The following SLC25A29 variants were observed in gnomAD, a reference collection of about 807,000 sequenced individuals.
SLC25A29 encodes the protein mitochondrial basic amino acids transporter.
Under a neutral mutation model 10.0 loss-of-function variants are expected in SLC25A29, and 13 were observed. That is an observed-to-expected ratio of 1.30 (90% CI 0.85 to 2.07). The LOEUF (loss-of-function observed/expected upper bound fraction) is 2.07. Ranked by LOEUF, SLC25A29 falls within the 30% of genes most tolerant of loss-of-function variation. The probability of loss-of-function intolerance (pLI) is 0.00; values close to 1 mark genes in which losing one functional copy is unlikely to be tolerated. For missense variants in SLC25A29, 475 were observed against 447.6 expected (o/e 1.06, Z -0.55); for synonymous variants, 244 against 221.1 (o/e 1.10, Z -0.92).
chr14:100,283,005 A>T, the SLC25A29 span, among the ~76,000 whole-genome samples: 1 of 152,206 alleles, frequency 6.6e-6, no homozygotes, highest in African/African-American at 2.4e-5. Flanking sequence ...TTCAGCTCCA[A>T]GGTGGGCTCA....
At chr14:100,289,241 G>A (rs1217237509), downstream of SLC25A29, among the ~76,000 whole-genome samples, 2 of 152,218 alleles carry the variant, frequency 1.3e-5, no homozygotes, top group Non-Finnish European at 2.9e-5. Context: ...AGTGTGTGGT[G>A]TTTTGTTACG....
rs1361922748 is a variant in SLC25A29 at position 100,291,259 on chromosome 14, C to G, written c.*1024G>C. On this transcript the variant is annotated 3_prime_UTR_variant, in exon 4 of 4. Transcript: ENST00000359232. Reference sequence around the variant, plus strand: ...TCTGCCCCAGGCCCCAACTAGCCACCCCTGTGCCCACTAGCAGGCCCTGTG... The same window carrying G: ...TCTGCCCCAGGCCCCAACTAGCCACGCCTGTGCCCACTAGCAGGCCCTGTG... The G allele has an allele frequency of 3.9e-5, 6 of 152,490 alleles. No homozygotes were observed. In the South Asian group the frequency reaches 6.2e-4, roughly 16 times the overall value. 9.4% of individuals were successfully genotyped at this position (152,490 alleles called of 1,614,324 possible). A position where few individuals can be genotyped will look rare whatever the true frequency, so the allele number is the denominator to read the frequency against.
chr14:100,283,241 T>C, the SLC25A29 span, among the ~76,000 whole-genome samples: 1 of 152,216 alleles, frequency 6.6e-6, no homozygotes, highest in Non-Finnish European at 1.5e-5. Context: ...GGCCTTGGTG[T>C]CTGATGTTCT....
At chr14:100,280,459 G>GA in the SLC25A29 span, 22 of 152,094 alleles carry the variant, frequency 1.4e-4, no homozygotes, top group African/African-American at 5.1e-4. Flanking sequence ...GTGGAGTTGA[G>GA]AGGGGGAGCA....
At chr14:100,285,130 T>G in the SLC25A29 span, among the ~76,000 whole-genome samples, 5 of 152,006 alleles carry the variant, frequency 3.3e-5, no homozygotes, top group South Asian at 2.1e-4. Context: ...TTGCATGGCT[T>G]CTTCTTGGCC....
At chr14:100,299,447 T>TG (rs1892395481) in intron 1 of SLC25A29, 1 of 989,496 alleles carries the variant, frequency 1.0e-6, no homozygotes, top group South Asian at 4.6e-5. Context: ...CCCTTGGGAG[T>TG]GACGACCCCA....
At chr14:100,295,571 G>A (rs1892086002) in intron 2 of SLC25A29, 1 of 1,279,632 alleles carries the variant, frequency 7.8e-7, no homozygotes, top group Non-Finnish European at 1.0e-6. Context: ...TTGGGGAGAT[G>A]GGCATGACAG....
chr14:100,287,628 A>ACCCCCCC (rs1171229559), downstream of SLC25A29, among the ~76,000 whole-genome samples: 19 of 62,214 alleles, frequency 3.1e-4, no homozygotes, highest in South Asian at 6.4e-4. Context: ...CTGGAGCACC[A>ACCCCCCC]CCCCCCCCCT....
chr14:100,305,762 A>G (rs1892895866), intron 1 of SLC25A29: 1 of 162,502 alleles, frequency 6.2e-6, no homozygotes, highest in South Asian at 2.0e-4. Context: ...CCGTAGCCCC[A>G]ACCCCGCTGG....
rs957010623 is a variant in SLC25A29, at chr14:100,298,862, G to A, written c.58C>T (p.His20Tyr). The A allele has an allele frequency of 9.3e-6, 15 of 1,614,100 alleles. No individual in the cohort carries two copies. Among genetic ancestry groups the A allele is most frequent in the African/African-American group, 2.7e-5 (2 of 74,938 alleles). Residue 20 changes from histidine to tyrosine, a missense_variant, in exon 2 of 4, where the codon CAC becomes TAC. His to Tyr is a moderately conservative substitution (Grantham distance 83). Transcript: ENST00000359232. ...AGGVAGVLVG[H>Y]PFDTVKVRLQ... is the part of the protein sequence containing the mutation. Reference sequence around the variant, plus strand: ...CTCACCTTGACCGTGTCAAACGGGTGTCCCACAAGCACGCCTGCCACACCT... The same window carrying A: ...CTCACCTTGACCGTGTCAAACGGGTATCCCACAAGCACGCCTGCCACACCT...
At chr14:100,278,796 G>A in the SLC25A29 span, 1 of 152,368 alleles carries the variant, frequency 6.6e-6, no homozygotes, top group African/African-American at 2.4e-5. Flanking sequence ...CGCGCAGGCT[G>A]AGCGCCTGCG....
the SLC25A29 span, among the ~76,000 whole-genome samples, chr14:100,285,433 C>T: frequency 1.9e-3 from 287 of 151,778 alleles, 2 homozygotes; most frequent in African/African-American, 6.7e-3. Flanking sequence ...GGGCACTGTG[C>T]CAGCGGGCCC....
rs2139820167 is a variant in SLC25A29, at chr14:100,306,283, C to A, written c.-51G>T. 1.5e-6 allele frequency: 2 copies of A among 1,367,306 alleles called. No individual in the cohort carries two copies. Among genetic ancestry groups the A allele is most frequent in the South Asian group, 1.9e-5 (1 of 52,762 alleles). The allele number at this position is 1,367,306 out of a possible 1,614,324, so 84.7% of individuals were successfully genotyped here. On this transcript the variant is annotated 5_prime_UTR_variant, in exon 1 of 4. Coordinates refer to ENST00000359232, the MANE Select transcript of SLC25A29 (RefSeq NM_001039355.3). Reference sequence around the variant, plus strand: ...TTCCTCCTCGTCCTCCCCCTGAGGCCCCTCGCCGGGCTGGGCGCCGTCGGG... The same window carrying A: ...TTCCTCCTCGTCCTCCCCCTGAGGCACCTCGCCGGGCTGGGCGCCGTCGGG...
At chr14:100,298,555 G>A in intron 2 of SLC25A29, 1 of 538,380 alleles carries the variant, frequency 1.9e-6, no homozygotes, top group South Asian at 2.0e-5. Flanking sequence ...GTTTGGGAGA[G>A]TTCTGCATGG....
intron 1 of SLC25A29, among the ~76,000 whole-genome samples, chr14:100,301,920 G>A (rs192470366): frequency 1.9e-3 from 291 of 152,136 alleles, no homozygotes; most frequent in Middle Eastern, 6.8e-3. Flanking sequence ...GCTACCCGAA[G>A]AAGGCTCCCA....
chr14:100,305,895 C>CA (rs1555374737), intron 1 of SLC25A29: 1 of 334,596 alleles, frequency 3.0e-6, no homozygotes, highest in Non-Finnish European at 5.4e-6. Context: ...GACCTCGGCG[C>CA]GGGGGGCAGT....
At chr14:100,288,807 T>C (rs1465411101), downstream of SLC25A29, among the ~76,000 whole-genome samples, 1 of 152,224 alleles carries the variant, frequency 6.6e-6, no homozygotes, top group Non-Finnish European at 1.5e-5. Flanking sequence ...AGGAGGACCA[T>C]TCAAACACAC....
the SLC25A29 span, among the ~76,000 whole-genome samples, chr14:100,285,866 G>T: frequency 1.3e-5 from 2 of 152,152 alleles, no homozygotes; most frequent in Non-Finnish European, 2.9e-5. Context: ...GAGAGGCTGC[G>T]GTCCTGGGAT....
rs1327002846 is a variant in SLC25A29, at chr14:100,292,527, C to T, written c.668G>A (p.Arg223Gln). The change falls in exon 4 of 4, where the codon CGG (arginine) becomes CAG (glutamine). Residue 223 changes from arginine to glutamine, a missense_variant. Transcript: ENST00000359232. ...VKSRLQADGL[R>Q]GAPRYRGILD... Reference sequence around the variant, plus strand: ...GATGCCGCGGTAGCGCGGGGCGCCCCGCAGTCCGTCCGCCTGCAGCCGCGA... The same window carrying T: ...GATGCCGCGGTAGCGCGGGGCGCCCTGCAGTCCGTCCGCCTGCAGCCGCGA... The T allele has an allele frequency of 3.8e-5, 61 of 1,592,550 alleles. No homozygotes were observed. Among genetic ancestry groups the T allele is most frequent in the Non-Finnish European group, 5.1e-5 (60 of 1,171,214 alleles).
Sources: allele counts gnomAD v4.1 joint callset (sites outside exome capture counted in the v4.1 genomes callset), GRCh38; gene constraint gnomAD v4.1.1; transcripts MANE v1.5; gene names NCBI Gene and HGNC (gene_info 2026-07-23, HGNC 2026-07-21).